Variants in NAA25 observed in about 807,000 individuals in gnomAD.
The protein encoded by NAA25 is N-alpha-acetyltransferase 25, NatB auxiliary subunit, also known as N-terminal acetyltransferase B complex subunit NAA25.
Under a neutral mutation model 132.5 loss-of-function variants are expected in NAA25, and 30 were observed. That is an observed-to-expected ratio of 0.23 (90% confidence interval 0.17 to 0.31). NAA25 has a LOEUF of 0.31. Ranked by LOEUF, NAA25 falls within the 10% of genes least tolerant of loss-of-function variation. The pLI, the probability that NAA25 is intolerant of heterozygous loss-of-function variation, is 1.00. For missense variants in NAA25, 771 were observed against 1,150.4 expected, an observed-to-expected ratio of 0.67 and a Z score of 4.77; for synonymous variants, 359 against 401.9, an observed-to-expected ratio of 0.89 and a Z score of 1.28.
intron 4 of NAA25, among the ~76,000 whole-genome samples, chr12:112,082,509 G>C (rs2078987084): frequency 6.6e-6 from 1 of 151,442 alleles, no homozygotes; most frequent in South Asian, 2.1e-4. Context: ...GGAGGTCAAG[G>C]CTACAGTGAG....
rs766393234 is a variant in NAA25 at position 112,029,493 on chromosome 12, C to G, written c.*38G>C. ...TTGCCTGGGAAGATGGTGTCATATT[C>G]TGTTGCAGAGTCATCAGTGCCCATG... On this transcript the variant is annotated 3_prime_UTR_variant, in exon 24 of 24. Transcript: ENST00000261745. The G allele has an allele frequency of 6.2e-7, 1 of 1,612,938 alleles. No homozygotes were observed. The highest frequency in any genetic ancestry group is 8.5e-7 in the Non-Finnish European group (1 of 1,179,634).
chr12:112,070,895 T>C (rs10849998), intron 10 of NAA25, among the ~76,000 whole-genome samples: 32,597 of 152,176 alleles, frequency 0.21, 5,583 homozygotes, highest in East Asian at 0.85. Flanking sequence ...TACAGGCGTG[T>C]GCCACCATGC....
At chr12:112,074,341 CA>C (rs34077129) in intron 9 of NAA25, among the ~76,000 whole-genome samples, 223 of 34,902 alleles carry the variant, frequency 6.4e-3, no homozygotes, top group African/African-American at 0.011. Flanking sequence ...AACTCCATCT[CA>C]AAAAAAAAAA....
intron 22 of NAA25, among the ~76,000 whole-genome samples, chr12:112,038,872 G>C (rs764205062): frequency 7.9e-5 from 12 of 152,092 alleles, no homozygotes; most frequent in Non-Finnish European, 2.9e-5. Flanking sequence ...CCAGCTACTC[G>C]GGAAGCTGAG....
chr12:112,083,064 A>T (rs1177228580), intron 4 of NAA25, among the ~76,000 whole-genome samples: 1 of 152,176 alleles, frequency 6.6e-6, no homozygotes, highest in African/African-American at 2.4e-5. Context: ...TTATAAATCT[A>T]TACTCTTCTA....
At chr12:112,048,213 A>G in intron 16 of NAA25, 79 bp downstream of exon 16, 1 of 1,381,530 alleles carries the variant, frequency 7.2e-7, no homozygotes, top group South Asian at 1.4e-5. Flanking sequence ...GCCTGCCAAT[A>G]ACACCCATGA....
rs1023765300 is a variant in NAA25, at chr12:112,080,867, T to C, written c.477+193A>G. 8.6e-5 allele frequency among the ~76,000 whole-genome samples: 13 copies of C among 151,480 alleles called. No individual in the cohort carries two copies. The East Asian group carries it at 1.4e-3, about 16-fold the overall frequency. The stretch of plus-strand genomic sequence containing the variant: ...CCTGTAGTCCCAGCTACTTGGGAGG[T>C]TGAGGTAGAGGGATTGCTTGAGCCT... On this transcript the variant is annotated intron_variant, in intron 5 of 23. Coordinates refer to ENST00000261745, the MANE Select transcript of NAA25 (RefSeq NM_024953.4).
intron 22 of NAA25, chr12:112,037,645 AC>A (rs773054333): frequency 3.7e-5 from 5 of 135,786 alleles, no homozygotes; most frequent in Non-Finnish European, 8.2e-5. Flanking sequence ...ATAATGGGAC[AC>A]AACAACATTA....
chr12:112,043,986 G>A, intron 17 of NAA25, 118 bp from the exon 18 acceptor site: 1 of 1,014,494 alleles, frequency 9.9e-7, no homozygotes, highest in African/African-American at 1.6e-5. Flanking sequence ...GGAGTGCAGT[G>A]GCACTATCTC....
chr12:112,038,743 G>A (rs1209517325), intron 22 of NAA25, among the ~76,000 whole-genome samples: 1 of 152,132 alleles, frequency 6.6e-6, no homozygotes, highest in East Asian at 1.9e-4. Flanking sequence ...ACTTTGGGAG[G>A]CCGAGGTGGG....
At chr12:112,099,877 T>C (rs901849241) in intron 1 of NAA25, among the ~76,000 whole-genome samples, 2 of 152,224 alleles carry the variant, frequency 1.3e-5, no homozygotes, top group African/African-American at 4.8e-5. Context: ...AATAGTATGC[T>C]CAGTTTCCAC....
At chr12:112,103,762 T>C (rs2079325686) in intron 1 of NAA25, among the ~76,000 whole-genome samples, 2 of 152,202 alleles carry the variant, frequency 1.3e-5, no homozygotes, top group Admixed American at 1.3e-4. Context: ...AAGACAATTT[T>C]TCCACAGATG....
At chr12:112,102,522 G>T (rs964060049) in intron 1 of NAA25, among the ~76,000 whole-genome samples, 2 of 152,068 alleles carry the variant, frequency 1.3e-5, no homozygotes, top group African/African-American at 4.8e-5. Flanking sequence ...AGGGTTTTTT[G>T]TTGTTGTTGT....
chr12:112,029,709 T>A, intron 23 of NAA25, 56 bp from the exon 24 acceptor site: 1 of 1,579,834 alleles, frequency 6.3e-7, no homozygotes, highest in Non-Finnish European at 8.6e-7. Flanking sequence ...CCCCCCAGAT[T>A]CTAGTTCTCA....
intron 3 of NAA25, among the ~76,000 whole-genome samples, chr12:112,089,788 G>T (rs1258727545): frequency 1.3e-5 from 2 of 151,964 alleles, no homozygotes; most frequent in African/African-American, 4.8e-5. Context: ...GAGGTAAGGA[G>T]TTTGAGACCA....
chr12:112,043,549 A>AC, intron 18 of NAA25, 76 bp downstream of exon 18: 1 of 1,525,012 alleles, frequency 6.6e-7, no homozygotes, highest in South Asian at 1.2e-5. Flanking sequence ...CTACTCACCC[A>AC]CCCCAAACTC....
chr12:112,034,756 G>A (rs905375061), intron 22 of NAA25: 2 of 150,570 alleles, frequency 1.3e-5, no homozygotes, highest in Non-Finnish European at 2.9e-5. Context: ...CGGCTGCAGT[G>A]AGCTGAGATC....
chr12:112,059,116 A>C (rs1460576859), intron 13 of NAA25, among the ~76,000 whole-genome samples: 3 of 111,210 alleles, frequency 2.7e-5, no homozygotes, highest in African/African-American at 4.0e-5. Flanking sequence ...AAAAAAAAAA[A>C]AAAAAAACTA....
intron 7 of NAA25, among the ~76,000 whole-genome samples, chr12:112,077,565 C>T (rs149426841): frequency 0.015 from 2,335 of 151,948 alleles, 71 homozygotes; most frequent in African/African-American, 0.053. Context: ...GGGAGAATCA[C>T]TTGAGCCCAG....
Sources: allele counts gnomAD v4.1 joint callset (sites outside exome capture counted in the v4.1 genomes callset), GRCh38; gene constraint gnomAD v4.1.1; transcripts MANE v1.5; gene names NCBI Gene and HGNC (gene_info 2026-07-23, HGNC 2026-07-21).